Variants in FRMPD4 observed in about 807,000 individuals in gnomAD.
FRMPD4 encodes FERM and PDZ domain containing 4.
A neutral mutation model predicts 94.1 loss-of-function variants in FRMPD4; 22 were observed. That is an observed-to-expected ratio of 0.23 (90% CI 0.17 to 0.33). FRMPD4 has a LOEUF of 0.33. Ranked by LOEUF, FRMPD4 falls within the 10% of genes least tolerant of loss-of-function variation. The probability of loss-of-function intolerance (pLI) is 1.00; values close to 1 mark genes in which losing one functional copy is unlikely to be tolerated. For synonymous variants in FRMPD4, 631 were observed against 548.6 expected (o/e 1.15, Z -2.10); for missense variants, 1,111 against 1,339.9 (o/e 0.83, Z 2.67).
chrX:12,547,875 G>C lies in FRMPD4; in HGVS notation c.158+49079G>C, dbSNP rs965314843. Among the ~76,000 whole-genome samples the C allele has an allele frequency of 3.6e-5, 4 of 111,824 alleles. No individual in the cohort carries two copies. In the Admixed American group the frequency reaches 3.8e-4, roughly 11 times the overall value. ...AAATAACAAAAGTAAACAGACATTTGGTGAAAGACTCTAAGATCGGGAGTT... is the reference window on the plus strand; with the variant it reads ...AAATAACAAAAGTAAACAGACATTTCGTGAAAGACTCTAAGATCGGGAGTT... On this transcript the variant is annotated intron_variant, in intron 2 of 16. Transcript: ENST00000675598.
At chrX:12,577,043 G>T (rs1374487186) in intron 2 of FRMPD4, among the ~76,000 whole-genome samples, 2 of 111,923 alleles carry the variant, frequency 1.8e-5, no homozygotes, top group Non-Finnish European at 3.8e-5. Flanking sequence ...TTGAGAAAAA[G>T]AATTATGTGT....
At chrX:12,220,101 A>G (rs1411202125) in intron 1 of FRMPD4, among the ~76,000 whole-genome samples, 1 of 111,770 alleles carries the variant, frequency 8.9e-6, no homozygotes, top group Non-Finnish European at 1.9e-5. Context: ...AGATCGCACC[A>G]TTGCATTCCA....
At chrX:12,344,811 A>C (rs1430617614) in intron 1 of FRMPD4, among the ~76,000 whole-genome samples, 1 of 111,717 alleles carries the variant, frequency 9.0e-6, no homozygotes, top group African/African-American at 3.3e-5. Flanking sequence ...GCTGAATTCC[A>C]AGTGTATGGA....
intron 1 of FRMPD4, among the ~76,000 whole-genome samples, chrX:12,231,002 A>AGTAT (rs1555938178): frequency 0.084 from 4,088 of 48,812 alleles, 396 homozygotes; most frequent in East Asian, 0.13. Context: ...TAGTATATAT[A>AGTAT]ATATATAGTA....
At chrX:12,061,764 T>C (rs1442380329) in intron 3 of FRMPD4, among the ~76,000 whole-genome samples, 5 of 111,968 alleles carry the variant, frequency 4.5e-5, no homozygotes, top group Non-Finnish European at 7.5e-5. Context: ...TTTAAAATAA[T>C]TCACTTATTT....
chrX:12,653,798 G>C (rs751758054), intron 4 of FRMPD4, among the ~76,000 whole-genome samples: 1 of 110,223 alleles, frequency 9.1e-6, no homozygotes, highest in Non-Finnish European at 1.9e-5. Context: ...ACAGAGTTTC[G>C]CTCTTGTTGC....
intron 3 of FRMPD4, among the ~76,000 whole-genome samples, chrX:11,963,725 T>C (rs1426484215): frequency 9.0e-6 from 1 of 111,669 alleles, no homozygotes; most frequent in Non-Finnish European, 1.9e-5. Flanking sequence ...AGATATTTTC[T>C]TTACAAAAGT....
At chrX:12,566,581 T>C (rs1296449028) in intron 2 of FRMPD4, among the ~76,000 whole-genome samples, 2 of 112,234 alleles carry the variant, frequency 1.8e-5, no homozygotes, top group African/African-American at 3.2e-5. Context: ...AGAAGAAACA[T>C]TGTCCCCATG....
intron 1 of FRMPD4, among the ~76,000 whole-genome samples, chrX:12,367,810 A>C (rs139806650): frequency 1.8e-5 from 2 of 111,810 alleles, no homozygotes; most frequent in African/African-American, 6.5e-5. Flanking sequence ...GGGATTTATC[A>C]TGTTACTTAA....
At chrX:12,127,886 G>A (rs1240741405) in intron 3 of FRMPD4, among the ~76,000 whole-genome samples, 4 of 113,134 alleles carry the variant, frequency 3.5e-5, no homozygotes, top group African/African-American at 1.3e-4. Flanking sequence ...AAATCCAATA[G>A]AGCAGTCATG....
chrX:12,722,710 C>T lies in FRMPD4; in HGVS notation c.*852C>T. ...TGACTAAATGTCAAAAATCTGCAAA[C>T]CAAAGACATTATCTTCCCCTCATCC... On this transcript the variant is annotated 3_prime_UTR_variant, in exon 17 of 17. Coordinates refer to ENST00000675598, the MANE Select transcript of FRMPD4 (RefSeq NM_001368397.1). The T allele has an allele frequency of 8.9e-6, 1 of 112,134 alleles. No homozygotes were observed. Among genetic ancestry groups the T allele is most frequent in the Non-Finnish European group, 1.9e-5 (1 of 53,227 alleles). 9.2% of individuals were successfully genotyped at this position (112,134 alleles called of 1,213,427 possible). A position where few individuals can be genotyped will look rare whatever the true frequency, so the allele number is the denominator to read the frequency against.
rs769732093 is a variant in FRMPD4, at chrX:12,503,245, A to C, written c.158+4449A>C. Among the ~76,000 whole-genome samples the C allele has an allele frequency of 7.2e-5, 8 of 111,879 alleles. No homozygotes were observed. The South Asian group carries it at 3.0e-3, about 42-fold the overall frequency. ...GAGGAGACTGGAGGGTCAGTTCCGA[A>C]GCACATGGCCTGATTTTTCAAGTTA... On this transcript the variant is annotated intron_variant, in intron 2 of 16. Transcript: ENST00000675598.
chrX:12,562,818 T>C (rs2058671768), intron 2 of FRMPD4, among the ~76,000 whole-genome samples: 1 of 112,258 alleles, frequency 8.9e-6, no homozygotes, highest in African/African-American at 3.2e-5. Context: ...AAACATTTTT[T>C]GTTTTAATAA....
chrX:12,303,012 C>A (rs990050332), intron 1 of FRMPD4, among the ~76,000 whole-genome samples: 1 of 111,240 alleles, frequency 9.0e-6, no homozygotes, highest in Non-Finnish European at 1.9e-5. Flanking sequence ...GGTTAAAGGT[C>A]TTCAAATAGC....
At chrX:12,199,259 GTGTGTGTGTGTA>G (rs1194260352) in intron 1 of FRMPD4, among the ~76,000 whole-genome samples, 86 of 102,361 alleles carry the variant, frequency 8.4e-4, no homozygotes, top group African/African-American at 2.5e-3. Flanking sequence ...GTGTGTGTGT[GTGTGTGTGTGTA>G]TGTGTGTGTG....
At chrX:11,921,592 G>A (rs148918105) in intron 3 of FRMPD4, among the ~76,000 whole-genome samples, 89 of 111,871 alleles carry the variant, frequency 8.0e-4, no homozygotes, top group African/African-American at 2.5e-3. Context: ...GTATCTTAGC[G>A]GAAGCTTAAA....
intron 2 of FRMPD4, among the ~76,000 whole-genome samples, chrX:12,504,485 G>A (rs1308764086): frequency 1.8e-5 from 2 of 112,658 alleles, no homozygotes; most frequent in African/African-American, 6.4e-5. Context: ...TGGGGGAAAC[G>A]AAGTCAATAT....
At chrX:12,291,439 G>C (rs1206923224) in intron 1 of FRMPD4, among the ~76,000 whole-genome samples, 1 of 111,714 alleles carries the variant, frequency 9.0e-6, no homozygotes, top group Non-Finnish European at 1.9e-5. Context: ...GATCTTATCT[G>C]TCCTCATGGC....
chrX:12,236,665 GA>G (rs967368925), intron 1 of FRMPD4, among the ~76,000 whole-genome samples: 4 of 109,804 alleles, frequency 3.6e-5, no homozygotes, highest in African/African-American at 9.9e-5. Context: ...AATCTGATTA[GA>G]AAAAAAAATA....
Sources: allele counts gnomAD v4.1 joint callset (sites outside exome capture counted in the v4.1 genomes callset), GRCh38; gene constraint gnomAD v4.1.1; transcripts MANE v1.5; gene names NCBI Gene and HGNC (gene_info 2026-07-23, HGNC 2026-07-21).